The following XIRP2 variants were observed in gnomAD, a reference collection of about 807,000 sequenced individuals.
The protein encoded by XIRP2 is xin actin binding repeat containing 2.
A neutral mutation model predicts 277.0 loss-of-function variants in XIRP2; 236 were observed. The ratio of observed to expected loss-of-function variants is 0.85; its 90% confidence interval spans 0.77 to 0.95. The LOEUF is 0.95. Among genes scored for constraint, XIRP2 ranks in the 40% least tolerant of loss-of-function variants. XIRP2 has a pLI of 0.00. For missense variants in XIRP2, 4,640 were observed against 4,157.5 expected, an observed-to-expected ratio of 1.12 and a Z score of -3.19; for synonymous variants, 1,490 against 1,416.5, an observed-to-expected ratio of 1.05 and a Z score of -1.17.
chr2:167,191,237 A>AAAAGG (rs1055438404), intron 3 of XIRP2, among the ~76,000 whole-genome samples: 2 of 151,804 alleles, frequency 1.3e-5, no homozygotes, highest in South Asian at 2.1e-4. Context: ...AAAAGAAAAG[A>AAAAGG]AAAGACATTG....
chr2:167,084,090 A>G (rs62197380), intron 2 of XIRP2, among the ~76,000 whole-genome samples: 2,135 of 152,012 alleles, frequency 0.014, 57 homozygotes, highest in African/African-American at 0.05. Context: ...TCATAGATAG[A>G]TCTTATTATT....
chr2:166,942,458 T>G (rs1300824963), intron 2 of XIRP2, among the ~76,000 whole-genome samples: 1 of 152,156 alleles, frequency 6.6e-6, no homozygotes, highest in African/African-American at 2.4e-5. Flanking sequence ...ATAGGCAAAA[T>G]GAGGTCATTT....
intron 2 of XIRP2, among the ~76,000 whole-genome samples, chr2:166,941,746 G>T (rs149189515): frequency 2.4e-4 from 37 of 152,178 alleles, no homozygotes; most frequent in Admixed American, 9.8e-4. Context: ...ATTTGAAAAA[G>T]AAATGATCAA....
chr2:167,082,303 G>C lies in XIRP2; in HGVS notation c.409-53606G>C, dbSNP rs1574235267. 4.6e-5 allele frequency among the ~76,000 whole-genome samples: 7 copies of C among 152,236 alleles called. No homozygotes were observed. In the South Asian group the frequency reaches 1.2e-3, roughly 27 times the overall value. ...TCCTTTTTTATGGCTGCATAGTATT[G>C]CATAGTGTATATGTGCCACATTTTC... On this transcript the variant is annotated intron_variant, in intron 2 of 10. Coordinates refer to ENST00000409195, the MANE Select transcript of XIRP2 (RefSeq NM_152381.6).
chr2:167,006,265 A>G (rs79655467), intron 2 of XIRP2, among the ~76,000 whole-genome samples: 5 of 151,742 alleles, frequency 3.3e-5, no homozygotes, highest in Non-Finnish European at 5.9e-5. Context: ...AGGATTTTTT[A>G]TCCCCCCTAG....
intron 2 of XIRP2, among the ~76,000 whole-genome samples, chr2:167,042,128 A>T (rs1267101185): frequency 6.6e-6 from 1 of 152,204 alleles, no homozygotes; most frequent in Non-Finnish European, 1.5e-5. Context: ...TCCTTTACAG[A>T]CAAACAGTGC....
intron 3 of XIRP2, among the ~76,000 whole-genome samples, chr2:167,154,241 T>G (rs1428749934): frequency 6.7e-6 from 1 of 148,880 alleles, no homozygotes; most frequent in African/African-American, 2.5e-5. Context: ...CCTTGGCCAC[T>G]TTTTGATGGG....
At chr2:167,161,817 G>A (rs575674613) in intron 3 of XIRP2, among the ~76,000 whole-genome samples, 1 of 152,210 alleles carries the variant, frequency 6.6e-6, no homozygotes, top group East Asian at 1.9e-4. Context: ...TCAGAAAATG[G>A]GGTTTTCTTT....
Position 167,147,055 on chromosome 2 carries a change from A to G in XIRP2, c.562+10993A>G, listed in dbSNP as rs79552981. On this transcript the variant is annotated intron_variant, in intron 3 of 10. Coordinates refer to ENST00000409195, the MANE Select transcript of XIRP2 (RefSeq NM_152381.6). ...ATGAGGACAAAATACACACATGTTA[A>G]AACAAACCAAAACAAAGAGGTTTCT... 8.0e-3 allele frequency among the ~76,000 whole-genome samples: 1,215 copies of G among 152,292 alleles called. 38 individuals carry two copies. In the East Asian group the frequency reaches 0.091, roughly 11 times the overall value.
intron 5 of XIRP2, among the ~76,000 whole-genome samples, chr2:167,235,424 A>G (rs1409456345): frequency 6.6e-6 from 1 of 151,930 alleles, no homozygotes; most frequent in Non-Finnish European, 1.5e-5. Flanking sequence ...TAAAAATTAT[A>G]AAATTTTCAC....
Position 167,243,604 on chromosome 2 carries a change from A to G in XIRP2, c.2212A>G (p.Thr738Ala), listed in dbSNP as rs772677878. 2 of 1,613,918 alleles carry G rather than the reference A, an allele frequency of 1.2e-6. No individual in the cohort carries two copies. The highest frequency in any genetic ancestry group is 1.7e-6 in the Non-Finnish European group (2 of 1,179,990). Reference sequence around the variant, plus strand: ...TAAAAGAAGTATAAAATGTTTCGAAACTCAACCATTATATGTTATTAGAGA... The same window carrying G: ...TAAAAGAAGTATAAAATGTTTCGAAGCTCAACCATTATATGTTATTAGAGA... ...NVKRSIKCFETQPLYVIRDGS... is the reference protein window; with the variant it reads ...NVKRSIKCFEAQPLYVIRDGS... The change falls in exon 9 of 11, where the codon ACT (threonine) becomes GCT (alanine). Residue 738 changes from threonine (T) to alanine (A), a missense_variant. By Grantham distance (58) the Thr-to-Ala change is moderately conservative (BLOSUM62 0). Transcript: ENST00000409195.
At chr2:167,136,656 A>G (rs1691560528) in intron 3 of XIRP2, among the ~76,000 whole-genome samples, 1 of 152,244 alleles carries the variant, frequency 6.6e-6, no homozygotes, top group Non-Finnish European at 1.5e-5. Context: ...CAACAATGAC[A>G]GACATGAAAA....
chr2:166,909,583 C>T (rs1167957913), intron 2 of XIRP2, among the ~76,000 whole-genome samples: 1 of 152,196 alleles, frequency 6.6e-6, no homozygotes, highest in Non-Finnish European at 1.5e-5. Flanking sequence ...TTGACTTCCT[C>T]TTTTCCTAAT....
chr2:167,157,391 G>T (rs971802567), intron 3 of XIRP2, among the ~76,000 whole-genome samples: 26 of 152,034 alleles, frequency 1.7e-4, no homozygotes, highest in African/African-American at 5.6e-4. Context: ...TTTGATCCTA[G>T]TATGTTCTAG....
chr2:166,930,840 G>A (rs1685316407), intron 2 of XIRP2, among the ~76,000 whole-genome samples: 1 of 152,074 alleles, frequency 6.6e-6, no homozygotes, highest in Admixed American at 6.6e-5. Context: ...ACTGAAAAAA[G>A]ACGTAAATTT....
chr2:166,902,102 C>T (rs891435355), intron 1 of XIRP2, among the ~76,000 whole-genome samples: 2 of 152,092 alleles, frequency 1.3e-5, no homozygotes, highest in Non-Finnish European at 2.9e-5. Flanking sequence ...CAAGGTCACA[C>T]GGTTAGTAAA....
At chr2:167,034,004 T>A (rs1187280134) in intron 2 of XIRP2, among the ~76,000 whole-genome samples, 2 of 152,166 alleles carry the variant, frequency 1.3e-5, no homozygotes, top group African/African-American at 4.8e-5. Flanking sequence ...AATTGTGTTA[T>A]ATAAACTACT....
Position 167,246,337 on chromosome 2 carries a change from G to A in XIRP2, c.4945G>A (p.Ala1649Thr), listed in dbSNP as rs1695261914. The A allele has an allele frequency of 6.2e-7, 1 of 1,612,594 alleles. No individual in the cohort carries two copies. The highest frequency in any genetic ancestry group is 8.5e-7 in the Non-Finnish European group (1 of 1,179,530). ...QLLNRSTEFH[A>T]EKEEIVKGDV... ...ATTAAACAGATCAACTGAATTTCAT[G>A]CTGAAAAAGAAGAGATAGTGAAAGG... The change falls in exon 9 of 11, where the codon GCT becomes ACT. Residue 1649 changes from alanine (A) to threonine (T), a missense_variant. By Grantham distance (58) the Ala-to-Thr change is moderately conservative (BLOSUM62 0). Transcript: ENST00000409195.
intron 3 of XIRP2, among the ~76,000 whole-genome samples, chr2:167,193,188 T>C (rs1693398909): frequency 6.6e-6 from 1 of 152,192 alleles, no homozygotes; most frequent in Admixed American, 6.5e-5. Flanking sequence ...GCTATAGCAG[T>C]TGTCAACTCT....
Sources: allele counts gnomAD v4.1 joint callset (sites outside exome capture counted in the v4.1 genomes callset), GRCh38; gene constraint gnomAD v4.1.1; transcripts MANE v1.5; gene names NCBI Gene and HGNC (gene_info 2026-07-23, HGNC 2026-07-21).